Variants in SMIM36 observed in about 807,000 individuals in gnomAD.
The protein encoded by SMIM36 is small integral membrane protein 36.
intron 1 of SMIM36, among the ~76,000 whole-genome samples, chr17:55,491,891 G>A (rs1909712184): frequency 6.6e-6 from 1 of 152,164 alleles, no homozygotes; most frequent in Non-Finnish European, 1.5e-5. Context: ...GGGGCGGGGT[G>A]GCTCACACCT....
chr17:55,494,650 T>A (rs7220088), intron 1 of SMIM36, among the ~76,000 whole-genome samples: 47,312 of 152,084 alleles, frequency 0.31, 11,153 homozygotes, highest in African/African-American at 0.63. Context: ...TGTAAGTATA[T>A]ACAAATGTAT....
At chr17:55,512,300 T>G (rs1261119706), upstream of SMIM36, among the ~76,000 whole-genome samples, 1 of 152,100 alleles carries the variant, frequency 6.6e-6, no homozygotes. Context: ...GACTGGAGCA[T>G]AAAGAGAATG....
chr17:55,477,635 C>T (rs939027922), intron 3 of SMIM36, among the ~76,000 whole-genome samples: 15 of 152,122 alleles, frequency 9.9e-5, no homozygotes, highest in African/African-American at 2.9e-4. Flanking sequence ...CAACCCATAA[C>T]AGGAGTCACA....
intron 1 of SMIM36, among the ~76,000 whole-genome samples, chr17:55,508,209 C>G (rs554433207): frequency 6.6e-6 from 1 of 151,884 alleles, no homozygotes; most frequent in East Asian, 1.9e-4. Flanking sequence ...GGTTTCATAG[C>G]CCAACATCCC....
In SMIM36 at chr17:55,493,815, A is replaced by ATC. The variant is rs1491030260; in HGVS notation, c.*175-14236_*175-14235insGA. Among the ~76,000 whole-genome samples, 68 of 129,806 alleles carry ATC rather than the reference A, an allele frequency of 5.2e-4. 1 individual carries two copies. Among genetic ancestry groups the ATC allele is most frequent in the African/African-American group, 1.8e-3 (59 of 32,288 alleles). 85.2% of individuals were successfully genotyped at this position (129,806 alleles called of 152,430 possible). A position where few individuals can be genotyped will look rare whatever the true frequency, so the allele number is the denominator to read the frequency against. On this transcript the variant is annotated intron_variant, in intron 1 of 4. Transcript: ENST00000636752. ...GCAGAGCTCTCTCTCTCTCAAAAAA[A>ATC]AAAAAAAAAAAAAAAAAAAGCAGCA...
the SMIM36 span, among the ~76,000 whole-genome samples, chr17:55,531,987 A>C: frequency 3.9e-5 from 6 of 152,234 alleles, no homozygotes; most frequent in African/African-American, 1.2e-4. Flanking sequence ...GGTGACCCCA[A>C]GTACCCTCAC....
chr17:55,483,906 G>A (rs571242068), intron 1 of SMIM36, among the ~76,000 whole-genome samples: 3 of 152,232 alleles, frequency 2.0e-5, no homozygotes, highest in Non-Finnish European at 4.4e-5. Flanking sequence ...GGAATTACAG[G>A]CATGAGCCAC....
chr17:55,530,353 A>G, the SMIM36 span, among the ~76,000 whole-genome samples: 3 of 152,198 alleles, frequency 2.0e-5, no homozygotes, highest in African/African-American at 7.2e-5. Context: ...CCTCTCTGCC[A>G]TTTACACACT....
chr17:55,489,733 C>T (rs117603410), intron 1 of SMIM36, among the ~76,000 whole-genome samples: 202 of 152,360 alleles, frequency 1.3e-3, no homozygotes, highest in Middle Eastern at 3.4e-3. Context: ...ATGTGTCTCC[C>T]TCATCTTCCC....
intron 1 of SMIM36, among the ~76,000 whole-genome samples, chr17:55,492,494 G>A (rs141057984): frequency 0.012 from 1,820 of 151,440 alleles, 29 homozygotes; most frequent in Middle Eastern, 0.038. Flanking sequence ...GTTCTTTCTC[G>A]TGATCTGCCC....
the SMIM36 span, among the ~76,000 whole-genome samples, chr17:55,519,213 A>C: frequency 1.3e-5 from 2 of 152,170 alleles, no homozygotes; most frequent in Non-Finnish European, 2.9e-5. Flanking sequence ...TAGTAGTTCA[A>C]AGTAGGCAGA....
upstream of SMIM36, among the ~76,000 whole-genome samples, chr17:55,515,620 TAGAG>T (rs946907217): frequency 2.6e-5 from 4 of 152,052 alleles, no homozygotes; most frequent in Non-Finnish European, 5.9e-5. Context: ...TATGGAAAGA[TAGAG>T]AGAGATCGGA....
At chr17:55,488,082 G>A (rs1909639125) in intron 1 of SMIM36, among the ~76,000 whole-genome samples, 1 of 152,176 alleles carries the variant, frequency 6.6e-6, no homozygotes, top group Non-Finnish European at 1.5e-5. Flanking sequence ...CCTTTTTCAG[G>A]TTGGCTGAGG....
At chr17:55,500,821 ATTTT>A (rs1230915333) in intron 1 of SMIM36, among the ~76,000 whole-genome samples, 5 of 32,808 alleles carry the variant, frequency 1.5e-4, no homozygotes, top group Admixed American at 4.7e-4. Context: ...AATATATTAT[ATTTT>A]ATAATATATA....
At chr17:55,463,725 A>G (rs1387113910) in intron 4 of SMIM36, among the ~76,000 whole-genome samples, 1 of 152,140 alleles carries the variant, frequency 6.6e-6, no homozygotes, top group East Asian at 1.9e-4. Flanking sequence ...AGTGCTCTGC[A>G]TTCAGAAACA....
At chr17:55,490,336 C>G (rs1327275134) in intron 1 of SMIM36, among the ~76,000 whole-genome samples, 2 of 152,082 alleles carry the variant, frequency 1.3e-5, no homozygotes, top group African/African-American at 4.8e-5. Flanking sequence ...CTTCTTTTTG[C>G]TGTTACATTA....
chr17:55,489,480 C>T (rs956018302), intron 1 of SMIM36, among the ~76,000 whole-genome samples: 6 of 152,174 alleles, frequency 3.9e-5, no homozygotes, highest in African/African-American at 1.4e-4. Flanking sequence ...GTGAAGCAGC[C>T]ACTTATAAAA....
At chr17:55,509,384 G>C (rs73990421) in intron 1 of SMIM36, among the ~76,000 whole-genome samples, 1 of 152,076 alleles carries the variant, frequency 6.6e-6, no homozygotes. Flanking sequence ...AACATACTTT[G>C]GTTCTTCTGG....
chr17:55,513,308 G>A (rs879473062), upstream of SMIM36, among the ~76,000 whole-genome samples: 4 of 152,228 alleles, frequency 2.6e-5, no homozygotes, highest in Non-Finnish European at 4.4e-5. Flanking sequence ...CAGGGCTTTG[G>A]TGATCTGTGA....
Sources: allele counts gnomAD v4.1 joint callset (sites outside exome capture counted in the v4.1 genomes callset), GRCh38; gene constraint gnomAD v4.1.1; transcripts MANE v1.5; gene names NCBI Gene and HGNC (gene_info 2026-07-23, HGNC 2026-07-21).